The following ZC4H2 variants were observed in gnomAD, a reference collection of about 807,000 sequenced individuals.
ZC4H2 encodes the protein zinc finger C4H2-type containing.
For missense variants in ZC4H2, 137 were observed against 173.9 expected, an observed-to-expected ratio of 0.79 and a Z score of 1.19; for synonymous variants, 84 against 66.3, an observed-to-expected ratio of 1.27 and a Z score of -1.30.
At chrX:64,918,921 A>G in intron 4 of ZC4H2, 121 bp downstream of exon 4, 1 of 926,981 alleles carries the variant, frequency 1.1e-6, no homozygotes. Flanking sequence ...CTGTGTCACA[A>G]GCAAAGGCCA....
chrX:64,918,128 A>C, intron 4 of ZC4H2: 1 of 326,122 alleles, frequency 3.1e-6, no homozygotes, highest in Non-Finnish European at 5.3e-6. Context: ...AAAGTAAGGC[A>C]AAATGAGAAC....
chrX:64,927,148 T>C (rs1399420147), intron 1 of ZC4H2, among the ~76,000 whole-genome samples: 1 of 111,202 alleles, frequency 9.0e-6, no homozygotes, highest in African/African-American at 3.3e-5. Flanking sequence ...TTTTTTATTA[T>C]TATACTTTAA....
intron 1 of ZC4H2, among the ~76,000 whole-genome samples, chrX:64,929,426 C>T (rs1929637647): frequency 8.9e-6 from 1 of 111,861 alleles, no homozygotes; most frequent in Non-Finnish European, 1.9e-5. Context: ...GAGTCTTAGT[C>T]ATGAATTCTT....
At chrX:65,030,134 T>C (rs1294113298) in intron 1 of ZC4H2, among the ~76,000 whole-genome samples, 2 of 111,686 alleles carry the variant, frequency 1.8e-5, no homozygotes, top group Admixed American at 9.5e-5. Context: ...TTTTTATTTT[T>C]TGAGACAGGG....
chrX:64,997,771 C>T (rs760014571), intron 1 of ZC4H2, among the ~76,000 whole-genome samples: 7 of 111,329 alleles, frequency 6.3e-5, no homozygotes, highest in Non-Finnish European at 1.3e-4. Context: ...ACCACACCAC[C>T]ATGGCTGGCT....
chrX:65,020,894 A>G (rs887738871), intron 1 of ZC4H2, among the ~76,000 whole-genome samples: 17 of 111,800 alleles, frequency 1.5e-4, no homozygotes, highest in Non-Finnish European at 1.9e-4. Flanking sequence ...CTAGACTCTA[A>G]GAGACTTTAA....
intron 1 of ZC4H2, among the ~76,000 whole-genome samples, chrX:65,013,625 A>G (rs948860208): frequency 4.5e-5 from 5 of 111,221 alleles, no homozygotes; most frequent in Non-Finnish European, 9.4e-5. Context: ...CAGTCCAACA[A>G]TCCACAAATA....
intron 1 of ZC4H2, among the ~76,000 whole-genome samples, chrX:64,950,843 A>T (rs183970534): frequency 2.1e-4 from 23 of 110,314 alleles, no homozygotes; most frequent in Admixed American, 3.9e-4. Flanking sequence ...TTTAGAGTAC[A>T]TGTCCACAAT....
At chrX:65,020,935 C>CCACTAGCCAGACTAATAAAGAAGAAA (rs1569232496) in intron 1 of ZC4H2, among the ~76,000 whole-genome samples, 3 of 111,253 alleles carry the variant, frequency 2.7e-5, no homozygotes, top group African/African-American at 9.9e-5. Context: ...AAAAGAAAGG[C>CCACTAGCCAGACTAATAAAGAAGAAA]ATTACATAAT....
chrX:64,986,353 G>C (rs759345982), intron 1 of ZC4H2, among the ~76,000 whole-genome samples: 1 of 112,251 alleles, frequency 8.9e-6, no homozygotes, highest in South Asian at 3.7e-4. Context: ...TTTATTAGCA[G>C]TGGCAAGCCA....
chrX:65,024,217 C>A (rs757367218), intron 1 of ZC4H2, among the ~76,000 whole-genome samples: 11 of 110,304 alleles, frequency 1.0e-4, no homozygotes, highest in Non-Finnish European at 1.5e-4. Flanking sequence ...ATGTAACAAA[C>A]CTGCATGTTC....
At chrX:64,960,145 TA>T (rs1231766555) in intron 1 of ZC4H2, among the ~76,000 whole-genome samples, 2 of 110,908 alleles carry the variant, frequency 1.8e-5, no homozygotes, top group East Asian at 5.7e-4. Flanking sequence ...ATAAATATTC[TA>T]GGCTGCAGGG....
rs191618857 is a variant in ZC4H2 at position 64,961,177 on chromosome X, T to C, written c.53+15148A>G. Among the ~76,000 whole-genome samples, 251 of 111,914 alleles carry C rather than the reference T, an allele frequency of 2.2e-3. 2 individuals carry two copies. Among genetic ancestry groups the C allele is most frequent in the African/African-American group, 7.5e-3 (232 of 30,959 alleles). On this transcript the variant is annotated intron_variant, in intron 1 of 4. Transcript: ENST00000374839. ...TAATTGTTGCATATTTCTGGTGAAT[T>C]GACTGTTTTATCATTACATAATGTT...
At position 64,933,676 on chromosome X, in the gene ZC4H2, TAG is replaced by T. The variant is rs1407258740; in HGVS notation, c.54-11690_54-11689del. Reference sequence around the variant, plus strand: ...AACTGGCTTTCCCAGATGATGGTTTTAGTAGTTAAGTTCTTGGTGTGTGGGCA... The same window carrying T: ...AACTGGCTTTCCCAGATGATGGTTTTTAGTTAAGTTCTTGGTGTGTGGGCA... On this transcript the variant is annotated intron_variant, in intron 1 of 4. Coordinates refer to ENST00000374839, the MANE Select transcript of ZC4H2 (RefSeq NM_018684.4). Among the ~76,000 whole-genome samples, 4 of 111,474 alleles carry T rather than the reference TAG, an allele frequency of 3.6e-5. No homozygotes were observed. The East Asian group carries it at 1.1e-3, about 31-fold the overall frequency.
chrX:65,015,106 G>T lies in ZC4H2; in HGVS notation c.-272+19523C>A, dbSNP rs764815142. 6.4e-5 allele frequency among the ~76,000 whole-genome samples: 7 copies of T among 109,116 alleles called. No homozygotes were observed. In the South Asian group the frequency reaches 2.3e-3, roughly 36 times the overall value. 94.8% of individuals were successfully genotyped at this position (109,116 alleles called of 115,157 possible). ...CTTCCCCTGCCATCAATTAATATTT[G>T]CTTGAGAATAAAAATTCCTTTTCAT... On this transcript the variant is annotated intron_variant, in intron 1 of 4. Transcript: ENST00000337990.
At chrX:64,930,280 G>A (rs1602390262) in intron 1 of ZC4H2, among the ~76,000 whole-genome samples, 1 of 111,277 alleles carries the variant, frequency 9.0e-6, no homozygotes, top group African/African-American at 3.3e-5. Flanking sequence ...TTATTCTTTA[G>A]GGTATTCTAG....
At chrX:64,988,959 C>T (rs1040414353) in intron 1 of ZC4H2, among the ~76,000 whole-genome samples, 1 of 111,888 alleles carries the variant, frequency 8.9e-6, no homozygotes, top group African/African-American at 3.3e-5. Context: ...TTCCCAGCAC[C>T]ATTTATTAAA....
intron 1 of ZC4H2, among the ~76,000 whole-genome samples, chrX:65,020,763 T>A (rs956696123): frequency 2.7e-5 from 3 of 111,531 alleles, no homozygotes; most frequent in African/African-American, 9.8e-5. Flanking sequence ...TCAAGTCCCA[T>A]CGAAGTGCTG....
chrX:64,946,170 C>A (rs1312741374), intron 1 of ZC4H2, among the ~76,000 whole-genome samples: 1 of 111,236 alleles, frequency 9.0e-6, no homozygotes, highest in Non-Finnish European at 1.9e-5. Context: ...ACAAAAAAAA[C>A]CTCCTCCAGC....
Sources: gnomAD v4.1 joint callset for allele counts (sites outside exome capture counted in the v4.1 genomes callset) on GRCh38, gnomAD v4.1.1 for gene constraint, MANE v1.5 for transcripts, NCBI Gene and HGNC (gene_info 2026-07-23, HGNC 2026-07-21) for gene names.